Variants in FPR3 observed in about 807,000 individuals in gnomAD.
The protein encoded by FPR3 is formyl peptide receptor 3.
For synonymous variants in FPR3, 135 were observed against 163.6 expected (o/e 0.83, Z 1.34); for missense variants, 346 against 443.2 (o/e 0.78, Z 1.97).
chr19:51,795,890 A>G (rs1021035869), intron 1 of FPR3, among the ~76,000 whole-genome samples: 1 of 151,652 alleles, frequency 6.6e-6, no homozygotes, highest in African/African-American at 2.4e-5. Context: ...TTTTTTAAAA[A>G]CAGTGGCTAC....
chr19:51,810,682 A>G lies in FPR3; in HGVS notation c.-10-13057A>G, dbSNP rs7246521. On this transcript the variant is annotated intron_variant, in intron 1 of 1. Transcript: ENST00000339223. Reference sequence around the variant, plus strand: ...TCAGATATGCACTAGTGGACAAGCAAGTTCGCATCAAGTGTCTCACATCAA... The same window carrying G: ...TCAGATATGCACTAGTGGACAAGCAGGTTCGCATCAAGTGTCTCACATCAA... 6.8e-3 allele frequency among the ~76,000 whole-genome samples: 1,036 copies of G among 152,336 alleles called. 11 individuals carry two copies. The highest frequency in any genetic ancestry group is 0.023 in the African/African-American group (964 of 41,568).
At chr19:51,820,795 AT>A (rs2084182493) in intron 1 of FPR3, among the ~76,000 whole-genome samples, 1 of 152,220 alleles carries the variant, frequency 6.6e-6, no homozygotes, top group Non-Finnish European at 1.5e-5. Context: ...TGTAACCAAT[AT>A]AAGTCAACTT....
At chr19:51,813,409 A>ATATTTT (rs372244495) in intron 1 of FPR3, among the ~76,000 whole-genome samples, 3,794 of 151,854 alleles carry the variant, frequency 0.025, 157 homozygotes, top group African/African-American at 0.086. Flanking sequence ...AACCTCATTT[A>ATATTTT]TATTTTTATT....
chr19:51,801,338 T>A (rs538319387), intron 1 of FPR3, among the ~76,000 whole-genome samples: 1 of 152,126 alleles, frequency 6.6e-6, no homozygotes, highest in South Asian at 2.1e-4. Flanking sequence ...ATACATAATA[T>A]AGAACCAAAT....
Position 51,825,639 on chromosome 19 carries a change from A to G in FPR3, c.*829A>G, listed in dbSNP as rs2084227330. ...AAACCAACATACATCTTAATACCAGATACCCTAATCCCAGTCCTAACTTCA... is the reference window on the plus strand; with the variant it reads ...AAACCAACATACATCTTAATACCAGGTACCCTAATCCCAGTCCTAACTTCA... On this transcript the variant is annotated 3_prime_UTR_variant, in exon 2 of 2. Transcript: ENST00000339223. 6.0e-6 allele frequency: 1 copy of G among 167,142 alleles called. No individual in the cohort carries two copies. Among genetic ancestry groups the G allele is most frequent in the African/African-American group, 2.4e-5 (1 of 41,470 alleles). The allele number at this position is 167,142 out of a possible 1,614,324, so 10.4% of individuals were successfully genotyped here. A position where few individuals can be genotyped will look rare whatever the true frequency, so the allele number is the denominator to read the frequency against.
rs181999296 is a variant in FPR3, at chr19:51,810,790, C to T, written c.-10-12949C>T. The stretch of plus-strand genomic sequence containing the variant: ...TCTGTATGCCATTATTTACCACTCT[C>T]GCTTTTAATTCCTTCAACAACTTAC... On this transcript the variant is annotated intron_variant, in intron 1 of 1. Transcript: ENST00000339223. Among the ~76,000 whole-genome samples, 84 of 152,298 alleles carry T rather than the reference C, an allele frequency of 5.5e-4. No homozygotes were observed. The Middle Eastern group carries it at 0.01, about 19-fold the overall frequency.
At chr19:51,817,412 T>C (rs950136094) in intron 1 of FPR3, among the ~76,000 whole-genome samples, 1 of 151,914 alleles carries the variant, frequency 6.6e-6, no homozygotes, top group African/African-American at 2.4e-5. Context: ...AGAGAGAAAA[T>C]AGCCAAATTC....
rs138396733 is a variant in FPR3, at chr19:51,799,598, G to C, written c.-11+4267G>C. On this transcript the variant is annotated intron_variant, in intron 1 of 1. Transcript: ENST00000339223. ...CTACTGCTTGCTGGTGCTCCATTTT[G>C]CTGCTTCGTGCAGCTTAGTACTGCT... 5.8e-4 allele frequency among the ~76,000 whole-genome samples: 88 copies of C among 152,350 alleles called. No individual in the cohort carries two copies. The Middle Eastern group carries it at 0.01, about 18-fold the overall frequency.
At chr19:51,815,596 G>A (rs1048440124) in intron 1 of FPR3, among the ~76,000 whole-genome samples, 3 of 151,044 alleles carry the variant, frequency 2.0e-5, no homozygotes, top group Non-Finnish European at 2.9e-5. Context: ...CACCAGGCAC[G>A]GTGGCTCACA....
intron 1 of FPR3, among the ~76,000 whole-genome samples, chr19:51,811,058 G>C (rs2084093321): frequency 6.6e-6 from 1 of 151,992 alleles, no homozygotes; most frequent in African/African-American, 2.4e-5. Flanking sequence ...CTGGAGCTGT[G>C]AGTGGGACAA....
intron 1 of FPR3, 55 bp from the exon 2 acceptor site, chr19:51,823,684 T>C (rs1050257388): frequency 4.5e-5 from 60 of 1,322,878 alleles, no homozygotes; most frequent in Non-Finnish European, 5.7e-5. Flanking sequence ...TAATGAATAG[T>C]TGTATTGTAA....
chr19:51,816,862 G>T (rs10422101), intron 1 of FPR3, among the ~76,000 whole-genome samples: 1 of 152,174 alleles, frequency 6.6e-6, no homozygotes, highest in East Asian at 1.9e-4. Context: ...TTGGAAAAAA[G>T]CCCACACATA....
Position 51,825,901 on chromosome 19 carries a change from T to C in FPR3, c.*1091T>C, listed in dbSNP as rs2084229188. 6.0e-6 allele frequency: 1 copy of C among 167,080 alleles called. No homozygotes were observed. The highest frequency in any genetic ancestry group is 2.4e-5 in the African/African-American group (1 of 41,454). The allele number at this position is 167,080 out of a possible 1,614,324, so 10.3% of individuals were successfully genotyped here. A position where few individuals can be genotyped will look rare whatever the true frequency, so the allele number is the denominator to read the frequency against. On this transcript the variant is annotated 3_prime_UTR_variant, in exon 2 of 2. Transcript: ENST00000339223. ...TAAGGCTTAGATGAGATAGTGTTTT[T>C]TTAGAAAAAAACTTTATCTTACCAT...
chr19:51,805,702 G>T (rs1417801536), intron 1 of FPR3, among the ~76,000 whole-genome samples: 3 of 152,140 alleles, frequency 2.0e-5, no homozygotes, highest in Non-Finnish European at 4.4e-5. Flanking sequence ...TTGGCTGTAC[G>T]TGTCCAATTC....
At chr19:51,812,716 C>G (rs1018165070) in intron 1 of FPR3, among the ~76,000 whole-genome samples, 16 of 152,174 alleles carry the variant, frequency 1.1e-4, no homozygotes, top group African/African-American at 3.4e-4. Context: ...ACATTGAGGA[C>G]AACCTCCTCT....
At chr19:51,821,373 A>G (rs992180957) in intron 1 of FPR3, among the ~76,000 whole-genome samples, 1 of 152,092 alleles carries the variant, frequency 6.6e-6, no homozygotes, top group African/African-American at 2.4e-5. Flanking sequence ...ATGTCTATAG[A>G]CACTTTCAGT....
At position 51,824,774 on chromosome 19, in the gene FPR3, T is replaced by G; in HGVS notation, c.1026T>G (p.Ala342=). The G allele has an allele frequency of 1.2e-6, 2 of 1,613,732 alleles. No homozygotes were observed. The highest frequency in any genetic ancestry group is 1.7e-6 in the Non-Finnish European group (2 of 1,179,836). Residue 342 remains alanine (A), a synonymous_variant, in exon 2 of 2, where the codon GCT becomes GCG. Transcript: ENST00000339223. This position sits in a 1 kb window ranked among gnomAD's most constrained non-coding sequence, Gnocchi z 4.7. ...AQTSNTDTTS[A]SPPEETELQA... ...CCAGCAACACAGACACCACTTCTGCTTCACCTCCTGAGGAGACGGAGTTAC... is the reference window on the plus strand; with the variant it reads ...CCAGCAACACAGACACCACTTCTGCGTCACCTCCTGAGGAGACGGAGTTAC...
intron 1 of FPR3, among the ~76,000 whole-genome samples, chr19:51,807,724 G>A (rs1163181138): frequency 1.3e-5 from 2 of 152,240 alleles, no homozygotes; most frequent in African/African-American, 4.8e-5. Context: ...AATTTTGTCT[G>A]AGAGTAGTGG....
intron 1 of FPR3, among the ~76,000 whole-genome samples, chr19:51,822,511 G>A (rs2084197912): frequency 6.6e-6 from 1 of 152,182 alleles, no homozygotes; most frequent in Admixed American, 6.5e-5. Flanking sequence ...GTCAGACTAA[G>A]CTAGATTAAA....
Sources: allele counts gnomAD v4.1 joint callset (sites outside exome capture counted in the v4.1 genomes callset), GRCh38; gene constraint gnomAD v4.1.1; non-coding constraint Gnocchi (gnomAD v3.1); transcripts MANE v1.5; gene names NCBI Gene and HGNC (gene_info 2026-07-23, HGNC 2026-07-21).